The following LINGO2 variants were observed in gnomAD, a reference collection of about 807,000 sequenced individuals.
The protein encoded by LINGO2 is leucine-rich repeat and immunoglobulin-like domain-containing nogo receptor-interacting protein 2.
A neutral mutation model predicts 30.6 loss-of-function variants in LINGO2; 14 were observed. The ratio of observed to expected loss-of-function variants is 0.46; its 90% CI spans 0.30 to 0.72. The LOEUF (loss-of-function observed/expected upper bound fraction) is 0.72. LINGO2 is among the 30% of genes least tolerant of loss of function. The pLI, the probability that LINGO2 is intolerant of heterozygous loss-of-function variation, is 0.07. For synonymous variants in LINGO2, 317 were observed against 288.5 expected (o/e 1.10, Z -1.00); for missense variants, 729 against 751.7 (o/e 0.97, Z 0.35).
the LINGO2 span, among the ~76,000 whole-genome samples, chr9:29,085,281 T>TAAAAAAA: frequency 2.1e-3 from 165 of 76,932 alleles, 1 homozygote; most frequent in East Asian, 3.1e-3. Context: ...CTATGGTAAG[T>TAAAAAAA]AAAAAAAAAA....
the LINGO2 span, among the ~76,000 whole-genome samples, chr9:28,969,562 A>AATTGTTTTT: frequency 2.6e-5 from 4 of 152,202 alleles, no homozygotes; most frequent in East Asian, 7.7e-4. Flanking sequence ...GAAAAGACTA[A>AATTGTTTTT]AAACAGGTAG....
chr9:29,014,518 G>A, the LINGO2 span, among the ~76,000 whole-genome samples: 1 of 152,004 alleles, frequency 6.6e-6, no homozygotes, highest in Non-Finnish European at 1.5e-5. Context: ...GAAAGTAAGT[G>A]ATTGAGAGAA....
intron 1 of LINGO2, among the ~76,000 whole-genome samples, chr9:28,578,100 A>G (rs530645871): frequency 2.6e-5 from 4 of 152,230 alleles, no homozygotes; most frequent in Non-Finnish European, 5.9e-5. Context: ...TGATGTAGCT[A>G]TAATGAGATA....
chr9:28,295,811 C>A lies in LINGO2; in HGVS notation c.-245-445G>T, dbSNP rs530179537. 3.9e-5 allele frequency among the ~76,000 whole-genome samples: 6 copies of A among 152,294 alleles called. No individual in the cohort carries two copies. In the East Asian group the frequency reaches 1.2e-3, roughly 29 times the overall value. ...AATCCACAAGATTGTGGATCAAGGA[C>A]AATTTCCTTTGTGATTTCTGATGCT... On this transcript the variant is annotated intron_variant, in intron 3 of 5. Transcript: ENST00000379992.
intron 4 of LINGO2, among the ~76,000 whole-genome samples, chr9:28,047,514 T>A (rs1196476356): frequency 6.6e-6 from 1 of 150,984 alleles, no homozygotes; most frequent in Non-Finnish European, 1.5e-5. Context: ...AGGACGGCAG[T>A]TAAGAGCATG....
chr9:28,087,186 G>A (rs984565499), intron 4 of LINGO2, among the ~76,000 whole-genome samples: 3 of 152,038 alleles, frequency 2.0e-5, no homozygotes, highest in Non-Finnish European at 4.4e-5. Flanking sequence ...GACTACAGAT[G>A]CATATGATAC....
At chr9:28,564,025 G>T (rs1368164995) in intron 1 of LINGO2, among the ~76,000 whole-genome samples, 1 of 152,082 alleles carries the variant, frequency 6.6e-6, no homozygotes, top group African/African-American at 2.4e-5. Flanking sequence ...CTGCACATAC[G>T]TGTTTAAATC....
chr9:28,995,750 C>T, the LINGO2 span, among the ~76,000 whole-genome samples: 1 of 152,030 alleles, frequency 6.6e-6, no homozygotes, highest in Non-Finnish European at 1.5e-5. Flanking sequence ...AATCATCATT[C>T]TCAGTAAACT....
chr9:29,106,664 C>G, the LINGO2 span, among the ~76,000 whole-genome samples: 1 of 152,106 alleles, frequency 6.6e-6, no homozygotes, highest in African/African-American at 2.4e-5. Context: ...TTCTTATACT[C>G]TAAGCAAAAT....
intron 4 of LINGO2, among the ~76,000 whole-genome samples, chr9:28,189,245 GAGGAAGGGAGGA>G (rs1477366799): frequency 7.6e-4 from 84 of 110,876 alleles, no homozygotes; most frequent in African/African-American, 2.5e-3. Context: ...AAAAGGAAGG[GAGGAAGGGAGGA>G]AGGAAGGGAG....
chr9:28,449,341 A>G (rs1020599488), intron 2 of LINGO2, among the ~76,000 whole-genome samples: 11 of 152,048 alleles, frequency 7.2e-5, no homozygotes, highest in Non-Finnish European at 4.4e-5. Context: ...CATAGTATCC[A>G]CAAACAGTTT....
At chr9:28,503,868 AC>A (rs781527662) in intron 1 of LINGO2, among the ~76,000 whole-genome samples, 7 of 151,848 alleles carry the variant, frequency 4.6e-5, no homozygotes, top group Non-Finnish European at 7.4e-5. Context: ...GGGAAAAAAA[AC>A]AATAAAAATA....
chr9:28,241,087 G>A (rs1821768250), intron 4 of LINGO2, among the ~76,000 whole-genome samples: 2 of 151,846 alleles, frequency 1.3e-5, no homozygotes, highest in African/African-American at 4.8e-5. Context: ...TGGCCAACAT[G>A]GTGAAACCCC....
chr9:28,629,917 C>T (rs1015825089), intron 1 of LINGO2, among the ~76,000 whole-genome samples: 1 of 148,254 alleles, frequency 6.7e-6, no homozygotes, highest in African/African-American at 2.5e-5. Flanking sequence ...TGCTATCCCT[C>T]CCCCATCCCC....
rs367791805 is a variant in LINGO2 at position 28,406,167 on chromosome 9, G to A, written c.-278-33299C>T. 2.5e-3 allele frequency among the ~76,000 whole-genome samples: 382 copies of A among 152,144 alleles called. 2 individuals are homozygous for A. The highest frequency in any genetic ancestry group is 8.7e-3 in the African/African-American group (360 of 41,518). Reference sequence around the variant, plus strand: ...ATTTCTGGAATGTGCGGCTGGGTGCGGTGGCTCATGCCTGTAATCCCAGCA... The same window carrying A: ...ATTTCTGGAATGTGCGGCTGGGTGCAGTGGCTCATGCCTGTAATCCCAGCA... On this transcript the variant is annotated intron_variant, in intron 2 of 5. Coordinates refer to ENST00000379992, the Ensembl canonical transcript of LINGO2.
chr9:28,818,436 G>T, the LINGO2 span, among the ~76,000 whole-genome samples: 1 of 152,170 alleles, frequency 6.6e-6, no homozygotes, highest in African/African-American at 2.4e-5. Flanking sequence ...CCAGGCTGGA[G>T]TGCAATGGTA....
intron 3 of LINGO2, among the ~76,000 whole-genome samples, chr9:28,325,347 T>A (rs975925203): frequency 9.9e-5 from 15 of 152,078 alleles, no homozygotes; most frequent in African/African-American, 3.4e-4. Context: ...AATATAATCA[T>A]CAAGAAAGAT....
chr9:28,556,270 C>T (rs995389220), intron 1 of LINGO2, among the ~76,000 whole-genome samples: 13 of 152,030 alleles, frequency 8.6e-5, no homozygotes, highest in Non-Finnish European at 1.5e-4. Context: ...CCAAAATCTC[C>T]TTAAGCTGAT....
At chr9:28,884,459 G>T in the LINGO2 span, among the ~76,000 whole-genome samples, 4 of 151,952 alleles carry the variant, frequency 2.6e-5, no homozygotes, top group African/African-American at 9.7e-5. Flanking sequence ...CTATCGAAAA[G>T]AATATAATTT....
Sources: allele counts gnomAD v4.1 joint callset (sites outside exome capture counted in the v4.1 genomes callset), GRCh38; gene constraint gnomAD v4.1.1; transcripts MANE v1.5; gene names NCBI Gene and HGNC (gene_info 2026-07-23, HGNC 2026-07-21).